The following MCMDC2 variants were observed in gnomAD, a reference collection of about 807,000 sequenced individuals.
MCMDC2 encodes minichromosome maintenance domain-containing protein 2.
In MCMDC2, 54 loss-of-function variants were observed where a neutral mutation model predicts 75.8. That is an observed-to-expected ratio of 0.71 (90% CI 0.57 to 0.89). The LOEUF is 0.89. MCMDC2 is among the 40% of genes least tolerant of loss of function. The probability of loss-of-function intolerance (pLI) is 0.00; values close to 1 mark genes in which losing one functional copy is unlikely to be tolerated. For missense variants in MCMDC2, 656 were observed against 780.4 expected, an observed-to-expected ratio of 0.84 and a Z score of 1.90; for synonymous variants, 249 against 274.6, an observed-to-expected ratio of 0.91 and a Z score of 0.92.
Position 66,919,357 on chromosome 8 carries a change from C to T in MCMDC2, c.*188C>T. The T allele has an allele frequency of 2.5e-6, 1 of 393,244 alleles. No homozygotes were observed. Among genetic ancestry groups the T allele is most frequent in the East Asian group, 4.1e-5 (1 of 24,662 alleles). The allele number at this position is 393,244 out of a possible 1,614,324, so 24.4% of individuals were successfully genotyped here. On this transcript the variant is annotated 3_prime_UTR_variant, in exon 15 of 15. Transcript: ENST00000422365. ...TAATGGGATAAATACTAATCCAAAC[C>T]TCTAAAACCAACAGAATTTTAAAAC...
chr8:66,917,552 A>G (rs1327428996), intron 14 of MCMDC2, among the ~76,000 whole-genome samples: 13 of 152,142 alleles, frequency 8.5e-5, no homozygotes, highest in Admixed American at 8.5e-4. Context: ...CTGCGTACCC[A>G]TTAAACAGTA....
intron 10 of MCMDC2, 89 bp downstream of exon 10, chr8:66,891,159 G>C: frequency 2.6e-6 from 3 of 1,144,082 alleles, no homozygotes; most frequent in Non-Finnish European, 3.7e-6. Context: ...TAGTATTGCA[G>C]TTGTTTGAGG....
At chr8:66,884,024 A>C (rs1213291008) in intron 9 of MCMDC2, 30 bp downstream of exon 9, 5 of 1,424,376 alleles carry the variant, frequency 3.5e-6, no homozygotes. Flanking sequence ...TTTTACAAAT[A>C]TTAATTGGTC....
At chr8:66,896,091 A>G (rs1812338440) in intron 10 of MCMDC2, 79 bp from the exon 11 acceptor site, 2 of 1,262,480 alleles carry the variant, frequency 1.6e-6, no homozygotes, top group Non-Finnish European at 2.2e-6. Flanking sequence ...ATAATTATAT[A>G]TAATAATGTG....
downstream of MCMDC2, among the ~76,000 whole-genome samples, chr8:66,924,586 G>C (rs1471144077): frequency 6.7e-6 from 1 of 148,302 alleles, no homozygotes; most frequent in Non-Finnish European, 1.5e-5. Flanking sequence ...AGTGAGCCAA[G>C]ATCGCGTCAC....
Position 66,891,837 on chromosome 8 carries a change from A to G in MCMDC2, c.1279+767A>G, listed in dbSNP as rs79943738. Among the ~76,000 whole-genome samples, 11 of 152,218 alleles carry G rather than the reference A, an allele frequency of 7.2e-5. No individual in the cohort carries two copies. In the East Asian group the frequency reaches 2.1e-3, roughly 29 times the overall value. On this transcript the variant is annotated intron_variant, in intron 10 of 14. Coordinates refer to ENST00000422365, the MANE Select transcript of MCMDC2 (RefSeq NM_173518.5). ...GGCACACCAGCCGCTGTGGCAGGGC[A>G]GGCAGCTCCAGGGGCTGGCACAGGT...
intron 14 of MCMDC2, among the ~76,000 whole-genome samples, chr8:66,917,574 C>T (rs940846157): frequency 3.3e-5 from 5 of 152,138 alleles, no homozygotes; most frequent in Admixed American, 1.3e-4. Flanking sequence ...TTCCTCGTTT[C>T]CTCCTCTACT....
intron 14 of MCMDC2, 134 bp from the exon 15 acceptor site, chr8:66,918,869 A>G: frequency 1.4e-6 from 1 of 740,216 alleles, no homozygotes; most frequent in Non-Finnish European, 2.0e-6. Context: ...TTTGACTTTT[A>G]TTTTTCACAG....
At chr8:66,895,351 TTTC>T (rs750372189) in intron 10 of MCMDC2, among the ~76,000 whole-genome samples, 14 of 152,172 alleles carry the variant, frequency 9.2e-5, no homozygotes, top group South Asian at 4.2e-4. Flanking sequence ...CCCTGGCCTC[TTTC>T]TTCTTCTTCT....
At chr8:66,891,846 C>T (rs1428425777) in intron 10 of MCMDC2, among the ~76,000 whole-genome samples, 2 of 152,338 alleles carry the variant, frequency 1.3e-5, no homozygotes, top group Admixed American at 1.3e-4. Context: ...CAGGCAGCTC[C>T]AGGGGCTGGC....
At chr8:66,887,419 G>A (rs565952790) in intron 9 of MCMDC2, among the ~76,000 whole-genome samples, 11 of 151,916 alleles carry the variant, frequency 7.2e-5, no homozygotes, top group African/African-American at 2.7e-4. Flanking sequence ...GGGCATAGTG[G>A]TGCGTGCCTG....
chr8:66,925,700 G>A (rs912140752), downstream of MCMDC2: 1 of 152,290 alleles, frequency 6.6e-6, no homozygotes, highest in African/African-American at 2.4e-5. Flanking sequence ...CCTCTTCCCT[G>A]GTTGCGCGGT....
chr8:66,894,056 C>A (rs1812233716), intron 10 of MCMDC2, among the ~76,000 whole-genome samples: 1 of 152,158 alleles, frequency 6.6e-6, no homozygotes, highest in Admixed American at 6.5e-5. Context: ...TTTTACTGTG[C>A]CTTACTGCCC....
At chr8:66,890,753 A>C (rs923409575) in intron 9 of MCMDC2, 112 bp from the exon 10 acceptor site, 1 of 888,634 alleles carries the variant, frequency 1.1e-6, no homozygotes, top group African/African-American at 1.7e-5. Flanking sequence ...TCCCTAGCAC[A>C]ATAGCTGGTG....
intron 9 of MCMDC2, among the ~76,000 whole-genome samples, chr8:66,889,965 G>C (rs1176215955): frequency 6.6e-6 from 1 of 152,154 alleles, no homozygotes; most frequent in African/African-American, 2.4e-5. Flanking sequence ...ATAGGCAAAA[G>C]AAAGCAATCC....
chr8:66,874,531 G>A lies in MCMDC2; in HGVS notation c.230G>A (p.Cys77Tyr), dbSNP rs1811181795. ...LKAAEVFQSV[C>Y]FIAVKTLSLI... Reference sequence around the variant, plus strand: ...TTTTTTTGTTTGAAATCACAGGTCTGTTTTATTGCTGTTAAGACTCTCTCA... The same window carrying A: ...TTTTTTTGTTTGAAATCACAGGTCTATTTTATTGCTGTTAAGACTCTCTCA... Residue 77 changes from cysteine to tyrosine, a missense_variant, in exon 4 of 15, where the codon TGT becomes TAT. Coordinates refer to ENST00000422365, the MANE Select transcript of MCMDC2 (RefSeq NM_173518.5). 2 of 1,613,118 alleles carry A rather than the reference G, an allele frequency of 1.2e-6. 1 individual carries two copies. The highest frequency in any genetic ancestry group is 2.7e-5 in the African/African-American group (2 of 74,852).
chr8:66,891,593 C>T (rs892204523), intron 10 of MCMDC2, among the ~76,000 whole-genome samples: 2 of 152,080 alleles, frequency 1.3e-5, no homozygotes, highest in Admixed American at 6.6e-5. Flanking sequence ...CAGGATCCTT[C>T]GGGTGTTGCT....
chr8:66,899,192 A>G (rs1812505058), intron 12 of MCMDC2, among the ~76,000 whole-genome samples: 1 of 152,228 alleles, frequency 6.6e-6, no homozygotes, highest in Non-Finnish European at 1.5e-5. Context: ...TTTTCTGTCA[A>G]TACCTACGGA....
chr8:66,881,267 T>G (rs1026682455), intron 8 of MCMDC2, among the ~76,000 whole-genome samples: 28 of 152,262 alleles, frequency 1.8e-4, no homozygotes, highest in African/African-American at 6.8e-4. Flanking sequence ...AGCCTTATTT[T>G]AATTTTTTAA....
Sources: gnomAD v4.1 joint callset for allele counts (sites outside exome capture counted in the v4.1 genomes callset) on GRCh38, gnomAD v4.1.1 for gene constraint, MANE v1.5 for transcripts, NCBI Gene and HGNC (gene_info 2026-07-23, HGNC 2026-07-21) for gene names.